Variants in ZNF532 observed in about 807,000 individuals in gnomAD.
The protein encoded by ZNF532 is zinc finger protein 532.
ZNF532 carries 22 observed loss-of-function variants against 89.3 expected under a neutral mutation model. The observed-to-expected ratio is 0.25, with a 90% CI of 0.18 to 0.35. ZNF532 has a LOEUF of 0.35. Ranked by LOEUF, ZNF532 falls within the 10% of genes least tolerant of loss-of-function variation. The probability of loss-of-function intolerance (pLI) is 1.00; values close to 1 mark genes in which losing one functional copy is unlikely to be tolerated. For missense variants in ZNF532, 1,132 were observed against 1,643.4 expected (o/e 0.69, Z 5.38); for synonymous variants, 606 against 649.6 (o/e 0.93, Z 1.02).
At chr18:58,883,805 G>GTTGT (rs1445377442) in intron 2 of ZNF532, among the ~76,000 whole-genome samples, 1 of 152,148 alleles carries the variant, frequency 6.6e-6, no homozygotes, top group African/African-American at 2.4e-5. Context: ...CAACCAAAAT[G>GTTGT]TCTCTGGACA....
At chr18:58,941,194 G>T (rs1474785061) in intron 5 of ZNF532, among the ~76,000 whole-genome samples, 1 of 152,106 alleles carries the variant, frequency 6.6e-6, no homozygotes, top group Non-Finnish European at 1.5e-5. Context: ...CTCTGAAGAT[G>T]GGGATTAGTG....
intron 2 of ZNF532, among the ~76,000 whole-genome samples, chr18:58,899,616 G>A (rs535432100): frequency 5.3e-5 from 8 of 152,050 alleles, no homozygotes; most frequent in Non-Finnish European, 5.9e-5. Context: ...CTACAGGTGC[G>A]AGCCACCACG....
rs749061025 is a variant in ZNF532 at position 58,984,391 on chromosome 18, T to C, written c.3831T>C (p.Ala1277=). ...KVCAKTFETE[A]ALNTHMRTHG... is the part of the protein sequence containing the mutation. ...GCGCAAAAACTTTTGAAACTGAAGCTGCCTTAAATACTCACATGCGGACAC... is the reference window on the plus strand; with the variant it reads ...GCGCAAAAACTTTTGAAACTGAAGCCGCCTTAAATACTCACATGCGGACAC... Residue 1277 remains alanine, a synonymous_variant, in exon 10 of 10, where the codon GCT becomes GCC. Transcript: ENST00000591808. The C allele has an allele frequency of 2.5e-6, 4 of 1,611,980 alleles. No homozygotes were observed. The South Asian group carries it at 4.4e-5, about 18-fold the overall frequency.
intron 2 of ZNF532, 104 bp from the exon 3 acceptor site, chr18:58,918,167 C>A: frequency 9.3e-7 from 1 of 1,077,940 alleles, no homozygotes; most frequent in Non-Finnish European, 1.3e-6. Flanking sequence ...TACCTCCTTG[C>A]TCTTTCTTAG....
intron 3 of ZNF532, among the ~76,000 whole-genome samples, chr18:58,923,976 C>T (rs910716178): frequency 5.9e-5 from 9 of 152,188 alleles, no homozygotes; most frequent in Non-Finnish European, 8.8e-5. Context: ...CCTGCCTCAG[C>T]CTCCAGAGCA....
intron 2 of ZNF532, among the ~76,000 whole-genome samples, chr18:58,881,464 G>T (rs2057920299): frequency 6.6e-6 from 1 of 152,192 alleles, no homozygotes; most frequent in Admixed American, 6.5e-5. Flanking sequence ...TTGCTGGGTT[G>T]TGTGTCTGCA....
At chr18:58,953,416 A>T in intron 6 of ZNF532, 102 bp from the exon 7 acceptor site, 1 of 944,476 alleles carries the variant, frequency 1.1e-6, no homozygotes, top group East Asian at 2.6e-5. Context: ...GAATGAATAT[A>T]AACTGGTGTT....
At position 58,918,397 on chromosome 18, in the gene ZNF532, A is replaced by G. The variant is rs1411044181; in HGVS notation, c.110A>G (p.His37Arg). The G allele has an allele frequency of 3.1e-6, 5 of 1,614,230 alleles. No homozygotes were observed. Among genetic ancestry groups the G allele is most frequent in the Non-Finnish European group, 1.7e-6 (2 of 1,180,044 alleles). The change falls in exon 3 of 10, where the codon CAT (histidine) becomes CGT (arginine). Residue 37 changes from histidine to arginine, a missense_variant. His to Arg is a conservative substitution (Grantham distance 29). Coordinates refer to ENST00000591808, the MANE Select transcript of ZNF532 (RefSeq NM_001375912.1). ...GCTATTGAGTCTGGACACGATGACC[A>G]TGAAAGCCACATGAAGCAGAATGCT... ...KAAIESGHDD[H>R]ESHMKQNAHG...
chr18:58,934,900 T>C (rs572434042), intron 4 of ZNF532, among the ~76,000 whole-genome samples: 51 of 152,284 alleles, frequency 3.3e-4, no homozygotes, highest in African/African-American at 1.2e-3. Context: ...CTGTACCCTT[T>C]GTAGCAGACT....
intron 7 of ZNF532, among the ~76,000 whole-genome samples, chr18:58,968,238 A>G (rs187417614): frequency 4.6e-4 from 70 of 152,336 alleles, no homozygotes; most frequent in Middle Eastern, 3.4e-3. Flanking sequence ...GACAGGAAAA[A>G]TAGGAGACTT....
intron 2 of ZNF532, among the ~76,000 whole-genome samples, chr18:58,874,166 C>T (rs2057233747): frequency 6.6e-6 from 1 of 151,972 alleles, no homozygotes; most frequent in Non-Finnish European, 1.5e-5. Flanking sequence ...TTGTTTTTGA[C>T]CATGAAAACA....
chr18:58,901,876 G>A (rs1018921959), intron 2 of ZNF532, among the ~76,000 whole-genome samples: 3 of 152,124 alleles, frequency 2.0e-5, no homozygotes, highest in African/African-American at 7.2e-5. Flanking sequence ...TGACTTGCTG[G>A]TCGCCTGGCC....
At chr18:58,978,559 G>C (rs2067322024) in intron 7 of ZNF532, among the ~76,000 whole-genome samples, 1 of 152,038 alleles carries the variant, frequency 6.6e-6, no homozygotes, top group Non-Finnish European at 1.5e-5. Context: ...CCTTATGATA[G>C]TTTAACCCAT....
At chr18:58,886,903 A>G (rs2058341455) in intron 2 of ZNF532, among the ~76,000 whole-genome samples, 1 of 152,178 alleles carries the variant, frequency 6.6e-6, no homozygotes, top group Admixed American at 6.5e-5. Context: ...TGGGTATGCT[A>G]TTAGAGAGAG....
At chr18:58,867,383 T>C (rs2056569436) in intron 2 of ZNF532, among the ~76,000 whole-genome samples, 1 of 152,230 alleles carries the variant, frequency 6.6e-6, no homozygotes, top group African/African-American at 2.4e-5. Flanking sequence ...CAAATGCTGC[T>C]GAGGGTTGGA....
At chr18:58,909,676 A>G (rs1440780229) in intron 2 of ZNF532, among the ~76,000 whole-genome samples, 3 of 152,194 alleles carry the variant, frequency 2.0e-5, no homozygotes, top group South Asian at 2.1e-4. Flanking sequence ...GATGATTAGC[A>G]GCAAAAACAG....
Position 58,985,911 on chromosome 18 carries a change from C to T in ZNF532, c.*1445C>T, listed in dbSNP as rs2068351248. The T allele has an allele frequency of 1.3e-5, 2 of 152,328 alleles. No individual in the cohort carries two copies. Among genetic ancestry groups the T allele is most frequent in the South Asian group, 2.1e-4 (1 of 4,828 alleles). 9.4% of individuals were successfully genotyped at this position (152,328 alleles called of 1,614,324 possible). A position where few individuals can be genotyped will look rare whatever the true frequency, so the allele number is the denominator to read the frequency against. ...CTCCATCCATCATAACTGTATGAAA[C>T]ACATTTCATATGTAAATAAACGTGG... On this transcript the variant is annotated 3_prime_UTR_variant, in exon 10 of 10. Coordinates refer to ENST00000591808, the MANE Select transcript of ZNF532 (RefSeq NM_001375912.1).
chr18:58,906,552 T>C (rs1199146779), intron 2 of ZNF532, among the ~76,000 whole-genome samples: 1 of 152,176 alleles, frequency 6.6e-6, no homozygotes, highest in African/African-American at 2.4e-5. Flanking sequence ...CTGGCTTCGT[T>C]CAGTGGAGAA....
chr18:58,965,814 C>G lies in ZNF532; in HGVS notation c.3150+12015C>G, dbSNP rs538764774. On this transcript the variant is annotated intron_variant, in intron 7 of 9. Transcript: ENST00000591808. Reference sequence around the variant, plus strand: ...AGAGTGGCTTGAATTTAGCAGTTGCCTGGGATGTATCTGGGGGCTGCATGG... The same window carrying G: ...AGAGTGGCTTGAATTTAGCAGTTGCGTGGGATGTATCTGGGGGCTGCATGG... 2.1e-4 allele frequency among the ~76,000 whole-genome samples: 32 copies of G among 152,252 alleles called. No individual in the cohort carries two copies. In the East Asian group the frequency reaches 6.2e-3, roughly 29 times the overall value.
Sources: allele counts gnomAD v4.1 joint callset (sites outside exome capture counted in the v4.1 genomes callset), GRCh38; gene constraint gnomAD v4.1.1; transcripts MANE v1.5; gene names NCBI Gene and HGNC (gene_info 2026-07-23, HGNC 2026-07-21).